GRXCR2: variants seen among roughly 807,000 people sequenced by gnomAD.
The protein encoded by GRXCR2 is glutaredoxin domain-containing cysteine-rich protein 2.
A neutral mutation model predicts 24.8 loss-of-function variants in GRXCR2; 23 were observed. That is an observed-to-expected ratio of 0.93 (90% CI 0.67 to 1.32). GRXCR2 has a LOEUF of 1.32. Among genes scored for constraint, GRXCR2 ranks in the 40% most tolerant of loss-of-function variants. GRXCR2 has a pLI of 0.00. For missense variants in GRXCR2, 315 were observed against 303.4 expected (o/e 1.04, Z -0.28); for synonymous variants, 130 against 116.1 (o/e 1.12, Z -0.77).
intron 2 of GRXCR2, among the ~76,000 whole-genome samples, chr5:145,861,995 T>C (rs1339533660): frequency 6.6e-6 from 1 of 152,268 alleles, no homozygotes. Context: ...ATTGCTACCA[T>C]ATTTTAGTAT....
chr5:145,895,578 T>C (rs143674901), intron 2 of GRXCR2, among the ~76,000 whole-genome samples: 72,945 of 151,954 alleles, frequency 0.48, 19,396 homozygotes, highest in East Asian at 0.71. Context: ...TCACAAGGGA[T>C]GTGAAGGACC....
upstream of GRXCR2, among the ~76,000 whole-genome samples, chr5:145,873,800 T>C (rs1581334685): frequency 6.6e-6 from 1 of 152,216 alleles, no homozygotes; most frequent in South Asian, 2.1e-4. Context: ...CAAGTCCCCA[T>C]TGCCTGTTGG....
rs748614669 is a variant in GRXCR2 at position 145,872,633 on chromosome 5, C to T, written c.336G>A (p.Lys112=). The T allele has an allele frequency of 4.0e-5, 63 of 1,594,182 alleles. No individual in the cohort carries two copies. The highest frequency in any genetic ancestry group is 4.9e-5 in the Non-Finnish European group (57 of 1,168,270). The change falls in exon 1 of 3, where the codon AAG becomes AAA. Residue 112 remains lysine (K), a splice_region_variant and synonymous_variant. Transcript: ENST00000377976. The part of the protein sequence containing the change: ...RFNDYKANDH[K]PLPIIDFGKI... ...CCTATATGCCATGCACAATACCAAC[C>T]TTATGGTCATTCGCCTTGTAATCGT... is the stretch of plus-strand genomic sequence containing the variant.
intron 2 of GRXCR2, among the ~76,000 whole-genome samples, chr5:145,909,122 A>G (rs1185689339): frequency 6.6e-6 from 1 of 152,238 alleles, no homozygotes; most frequent in Non-Finnish European, 1.5e-5. Context: ...ATGAGCTATT[A>G]TATGTGAAGC....
intron 2 of GRXCR2, among the ~76,000 whole-genome samples, chr5:145,897,686 A>G (rs1443070273): frequency 6.6e-6 from 1 of 152,134 alleles, no homozygotes; most frequent in African/African-American, 2.4e-5. Context: ...CCACATAATA[A>G]TATGGAAATT....
chr5:145,903,217 C>A (rs1400548277), intron 2 of GRXCR2, among the ~76,000 whole-genome samples: 1 of 152,160 alleles, frequency 6.6e-6, no homozygotes, highest in African/African-American at 2.4e-5. Flanking sequence ...AGACACATAT[C>A]AGGGCCCTGA....
At chr5:145,908,940 G>A (rs569955803) in intron 2 of GRXCR2, among the ~76,000 whole-genome samples, 5 of 152,250 alleles carry the variant, frequency 3.3e-5, no homozygotes, top group African/African-American at 9.6e-5. Flanking sequence ...TGGAAGATGC[G>A]GGTTAAGGTT....
intron 2 of GRXCR2, among the ~76,000 whole-genome samples, chr5:145,914,137 C>G (rs185614017): frequency 6.6e-6 from 1 of 152,136 alleles, no homozygotes; most frequent in Non-Finnish European, 1.5e-5. Flanking sequence ...CGGCTGGCCA[C>G]TCCTCTTCTT....
At position 145,885,095 on chromosome 5, in the gene GRXCR2, G is replaced by GTC. The variant is rs1239967085; in HGVS notation, c.-69-18369_-69-18368dup. On this transcript the variant is annotated intron_variant, in intron 2 of 3. Transcript: ENST00000639411. ...ACATTATCATGCAGCATGTGTGTGT[G>GTC]TCTGTGTGTGTGTGTGTGTGTGTGT... Among the ~76,000 whole-genome samples, 4 of 121,916 alleles carry GTC rather than the reference G, an allele frequency of 3.3e-5. No individual in the cohort carries two copies. The South Asian group carries it at 1.4e-3, about 43-fold the overall frequency. 80.0% of individuals were successfully genotyped at this position (121,916 alleles called of 152,430 possible).
rs340038 is a variant in GRXCR2, at chr5:145,888,082, G to A, written c.-69-21354C>T. The stretch of plus-strand genomic sequence containing the variant: ...AGAATAGTGCAGAGGGTTAGGAAGT[G>A]TTACTGAAAGCATGCATTATGTCTG... On this transcript the variant is annotated intron_variant, in intron 2 of 3. Coordinates refer to the GRXCR2 transcript ENST00000639411. 6.2e-3 allele frequency among the ~76,000 whole-genome samples: 950 copies of A among 152,286 alleles called. 9 individuals carry two copies. Among genetic ancestry groups the A allele is most frequent in the African/African-American group, 0.022 (899 of 41,558 alleles).
At chr5:145,870,838 C>G (rs1311379298) in intron 1 of GRXCR2, among the ~76,000 whole-genome samples, 2 of 152,028 alleles carry the variant, frequency 1.3e-5, no homozygotes, top group Non-Finnish European at 2.9e-5. Flanking sequence ...ATAATGAGGC[C>G]AAGCAGGAAT....
At chr5:145,901,329 G>A (rs1050508739) in intron 2 of GRXCR2, among the ~76,000 whole-genome samples, 4 of 151,962 alleles carry the variant, frequency 2.6e-5, no homozygotes, top group Admixed American at 2.6e-4. Context: ...GTCTTGAAGA[G>A]TTTTCCATGT....
intron 2 of GRXCR2, among the ~76,000 whole-genome samples, chr5:145,881,642 CCTT>C (rs1271829360): frequency 6.6e-6 from 1 of 152,174 alleles, no homozygotes; most frequent in Non-Finnish European, 1.5e-5. Context: ...CTACCAATGA[CCTT>C]CTTCACAGAA....
At chr5:145,901,362 T>A (rs534171860) in intron 2 of GRXCR2, among the ~76,000 whole-genome samples, 1 of 152,160 alleles carries the variant, frequency 6.6e-6, no homozygotes, top group Non-Finnish European at 1.5e-5. Flanking sequence ...AACTCCTTCA[T>A]TGATTTTAAG....
At chr5:145,883,842 C>T (rs1241697425) in intron 2 of GRXCR2, among the ~76,000 whole-genome samples, 2 of 152,130 alleles carry the variant, frequency 1.3e-5, no homozygotes, top group Non-Finnish European at 1.5e-5. Flanking sequence ...CAGCCGAGAT[C>T]GCACCACTGC....
In GRXCR2 at chr5:145,872,841, T is replaced by C. The variant is rs56111048; in HGVS notation, c.128A>G (p.Glu43Gly). The change falls in exon 1 of 3, where the codon GAG becomes GGG. Residue 43 changes from glutamate to glycine, a missense_variant. Transcript: ENST00000377976. ...GTGAGGGTATTCCTCCTTTGGTGAC[T>C]CTAATTCCTGCCCATCCTCAAAGAC... ...KQVFEDGQEL[E>G]SPKEEYPHSF... 2.1e-4 allele frequency: 335 copies of C among 1,614,158 alleles called. 1 individual carries two copies. The African/African-American group carries it at 3.5e-3, about 17-fold the overall frequency.
intron 2 of GRXCR2, among the ~76,000 whole-genome samples, chr5:145,891,883 C>T (rs1027647289): frequency 6.6e-6 from 1 of 152,184 alleles, no homozygotes; most frequent in Non-Finnish European, 1.5e-5. Context: ...AGACATCCCC[C>T]AGTAGGGGCA....
chr5:145,892,951 A>C (rs1005191517), intron 2 of GRXCR2, among the ~76,000 whole-genome samples: 1 of 152,264 alleles, frequency 6.6e-6, no homozygotes, highest in Admixed American at 6.5e-5. Flanking sequence ...AAACTCTACA[A>C]GCCAGAAGAG....
intron 2 of GRXCR2, among the ~76,000 whole-genome samples, chr5:145,920,348 C>A (rs1394644974): frequency 2.0e-5 from 3 of 152,168 alleles, no homozygotes; most frequent in African/African-American, 4.8e-5. Context: ...TGGGGATGGG[C>A]CCAGCAATCT....
Sources: gnomAD v4.1 joint callset for allele counts (sites outside exome capture counted in the v4.1 genomes callset) on GRCh38, gnomAD v4.1.1 for gene constraint, MANE v1.5 for transcripts, NCBI Gene and HGNC (gene_info 2026-07-23, HGNC 2026-07-21) for gene names.